SNTB1: variants seen among roughly 807,000 people sequenced by gnomAD.
SNTB1 encodes the protein beta-1-syntrophin.
In SNTB1, 36 loss-of-function variants were observed where a neutral mutation model predicts 48.9. The ratio of observed to expected loss-of-function variants is 0.74; its 90% CI spans 0.56 to 0.97. The LOEUF (loss-of-function observed/expected upper bound fraction) is 0.97, where lower values mean the gene tolerates loss of function less well. SNTB1 is among the 50% of genes least tolerant of loss of function. SNTB1 has a pLI of 0.00. For synonymous variants in SNTB1, 299 were observed against 294.6 expected (o/e 1.01, Z -0.15); for missense variants, 786 against 703.4 (o/e 1.12, Z -1.33).
intron 1 of SNTB1, among the ~76,000 whole-genome samples, chr8:120,716,006 G>A (rs1818549275): frequency 6.6e-6 from 1 of 152,140 alleles, no homozygotes; most frequent in South Asian, 2.1e-4. Flanking sequence ...GAGTTCCACA[G>A]AACCCTTGGC....
chr8:120,718,498 A>G (rs77170340), intron 1 of SNTB1, among the ~76,000 whole-genome samples: 1,831 of 152,332 alleles, frequency 0.012, 33 homozygotes, highest in African/African-American at 0.042. Context: ...GTGGCCAAAT[A>G]TATTTTATTA....
chr8:120,689,605 A>T (rs998039619), intron 2 of SNTB1, among the ~76,000 whole-genome samples: 7 of 151,990 alleles, frequency 4.6e-5, no homozygotes, highest in Non-Finnish European at 8.8e-5. Context: ...CACACTCCAC[A>T]CTCTCTCTTT....
chr8:120,556,094 G>A (rs1017475976), intron 4 of SNTB1, among the ~76,000 whole-genome samples: 9 of 152,170 alleles, frequency 5.9e-5, no homozygotes, highest in Non-Finnish European at 1.0e-4. Context: ...GGTACGGTGT[G>A]AACAGAATAG....
chr8:120,781,234 G>T (rs1176158347), intron 1 of SNTB1, among the ~76,000 whole-genome samples: 2 of 152,174 alleles, frequency 1.3e-5, no homozygotes, highest in Admixed American at 6.5e-5. Flanking sequence ...TAAAGTTAGG[G>T]TGGTAACCAC....
intron 4 of SNTB1, among the ~76,000 whole-genome samples, chr8:120,574,810 G>A (rs1432725467): frequency 1.3e-5 from 2 of 152,172 alleles, no homozygotes; most frequent in African/African-American, 4.8e-5. Flanking sequence ...GGAATGAGAT[G>A]GAGACCCAGG....
At chr8:120,787,525 A>C (rs1208063239) in intron 1 of SNTB1, among the ~76,000 whole-genome samples, 1 of 152,126 alleles carries the variant, frequency 6.6e-6, no homozygotes, top group Admixed American at 6.6e-5. Flanking sequence ...AAAGAGGTAC[A>C]TATTTTAAAG....
chr8:120,783,540 T>C (rs572867313), intron 1 of SNTB1, among the ~76,000 whole-genome samples: 1 of 152,328 alleles, frequency 6.6e-6, no homozygotes, highest in East Asian at 1.9e-4. Context: ...CTCCTTATTT[T>C]TCATCTTTTT....
chr8:120,769,315 T>C (rs1176670774), intron 1 of SNTB1: 1 of 152,158 alleles, frequency 6.6e-6, no homozygotes, highest in East Asian at 1.9e-4. Flanking sequence ...AGTCAGAACC[T>C]TTTCCAGAAG....
rs767833403 is a variant in SNTB1, at chr8:120,538,965, A to G, written c.1529T>C (p.Leu510Pro). Residue 510 changes from leucine to proline, a missense_variant, in exon 7 of 7, where the codon CTG becomes CCG. Transcript: ENST00000517992. ...TGGCTTGGGGCAGGAATGAAGGTCCAGTTGCTGAAATTTAAAAAGAAGAGA... is the reference window on the plus strand; with the variant it reads ...TGGCTTGGGGCAGGAATGAAGGTCCGGTTGCTGAAATTTAAAAAGAAGAGA... ...DFGGKDGEIQ[L>P]DLHSCPKPIV... The G allele has an allele frequency of 2.5e-6, 4 of 1,608,468 alleles. No individual in the cohort carries two copies. The highest frequency in any genetic ancestry group is 3.4e-6 in the Non-Finnish European group (4 of 1,178,248).
chr8:120,694,249 G>C (rs1033217305), intron 1 of SNTB1, among the ~76,000 whole-genome samples: 2 of 152,088 alleles, frequency 1.3e-5, no homozygotes, highest in Non-Finnish European at 2.9e-5. Context: ...GTATAACTTA[G>C]GCTAAAAGAT....
rs1040399682 is a variant in SNTB1, at chr8:120,537,157, TAAC to T, written c.*1717_*1719del. 3 of 143,738 alleles carry T rather than the reference TAAC, an allele frequency of 2.1e-5. No homozygotes were observed. Among genetic ancestry groups the T allele is most frequent in the African/African-American group, 7.8e-5 (3 of 38,234 alleles). The allele number at this position is 143,738 out of a possible 1,614,324, so 8.9% of individuals were successfully genotyped here. On this transcript the variant is annotated 3_prime_UTR_variant, in exon 7 of 7. Coordinates refer to ENST00000517992, the MANE Select transcript of SNTB1 (RefSeq NM_021021.4). ...TAAAGCATTAAAAAAAAAAAACAAA[TAAC>T]AACAACAAAAAAACCCACTAGCTTC...
At chr8:120,729,516 ACTGT>A (rs1421724940) in intron 1 of SNTB1, among the ~76,000 whole-genome samples, 2 of 152,206 alleles carry the variant, frequency 1.3e-5, no homozygotes, top group African/African-American at 2.4e-5. Context: ...TCTGGAAGAG[ACTGT>A]CTGGGTGAAT....
chr8:120,651,780 G>T (rs1411836889), intron 2 of SNTB1, among the ~76,000 whole-genome samples: 1 of 152,188 alleles, frequency 6.6e-6, no homozygotes, highest in Non-Finnish European at 1.5e-5. Context: ...ACTAAGTGGT[G>T]TGTGAAAATG....
In SNTB1 at chr8:120,649,465, C is replaced by A. The variant is rs1469520781; in HGVS notation, c.789-16814G>T. ...TGTGCCCCTGCTGGGGGGTGCCTCCCAGTTAGGCTGCTCGGGGGTCAGGGG... is the reference window on the plus strand; with the variant it reads ...TGTGCCCCTGCTGGGGGGTGCCTCCAAGTTAGGCTGCTCGGGGGTCAGGGG... On this transcript the variant is annotated intron_variant, in intron 2 of 6. Coordinates refer to ENST00000517992, the MANE Select transcript of SNTB1 (RefSeq NM_021021.4). Among the ~76,000 whole-genome samples the A allele has an allele frequency of 2.1e-5, 3 of 141,452 alleles. No individual in the cohort carries two copies. The Admixed American group carries it at 2.1e-4, about 10-fold the overall frequency. 92.8% of individuals were successfully genotyped at this position (141,452 alleles called of 152,430 possible).
chr8:120,749,260 G>A (rs1235913422), intron 1 of SNTB1, among the ~76,000 whole-genome samples: 4 of 151,898 alleles, frequency 2.6e-5, no homozygotes, highest in Non-Finnish European at 5.9e-5. Context: ...AATTTGCTTG[G>A]GCAAACCACT....
intron 3 of SNTB1, among the ~76,000 whole-genome samples, chr8:120,618,490 C>G (rs185955208): frequency 6.6e-6 from 1 of 152,334 alleles, no homozygotes; most frequent in Admixed American, 6.5e-5. Flanking sequence ...GTGTCACCAT[C>G]ATAGTCCCAC....
At chr8:120,561,527 T>C (rs913201003) in intron 4 of SNTB1, among the ~76,000 whole-genome samples, 2 of 152,108 alleles carry the variant, frequency 1.3e-5, no homozygotes, top group Non-Finnish European at 2.9e-5. Context: ...AACTTTTTTT[T>C]AATTATTTAG....
chr8:120,745,332 C>T (rs2130016999), intron 1 of SNTB1, among the ~76,000 whole-genome samples: 1 of 152,168 alleles, frequency 6.6e-6, no homozygotes, highest in South Asian at 2.1e-4. Flanking sequence ...GGTTACATAA[C>T]CTGGGTCACA....
chr8:120,641,161 G>C (rs1458863731), intron 2 of SNTB1, among the ~76,000 whole-genome samples: 1 of 152,050 alleles, frequency 6.6e-6, no homozygotes, highest in East Asian at 1.9e-4. Flanking sequence ...AATAAATCTG[G>C]GGTGAGTTCA....
Sources: allele counts gnomAD v4.1 joint callset (sites outside exome capture counted in the v4.1 genomes callset), GRCh38; gene constraint gnomAD v4.1.1; transcripts MANE v1.5; gene names NCBI Gene and HGNC (gene_info 2026-07-23, HGNC 2026-07-21).